GAS6: variants seen among roughly 807,000 people sequenced by gnomAD.
GAS6 encodes growth arrest specific 6, also known as growth arrest-specific protein 6.
GAS6 carries 41 observed loss-of-function variants against 75.8 expected under a neutral mutation model. The ratio of observed to expected loss-of-function variants is 0.54; its 90% CI spans 0.42 to 0.70. The LOEUF is 0.70. GAS6 is among the 30% of genes least tolerant of loss of function. The probability of loss-of-function intolerance (pLI) is 0.00; values close to 1 mark genes in which losing one functional copy is unlikely to be tolerated. For missense variants in GAS6, 854 were observed against 940.2 expected (o/e 0.91, Z 1.20); for synonymous variants, 432 against 412.6 (o/e 1.05, Z -0.57).
At position 113,828,550 on chromosome 13, in the gene GAS6, C is replaced by G; in HGVS notation, c.1305G>C (p.Gln435His). The change falls in exon 11 of 15, where the codon CAG becomes CAC. Residue 435 changes from glutamine to histidine, a missense_variant. By Grantham distance (24) the Gln-to-His change is conservative. Coordinates refer to ENST00000327773, the MANE Select transcript of GAS6 (RefSeq NM_000820.4). ...GIPFHEKDLV[Q>H]PINPRLDGCM... ...CAGGGACAGGTACAGTACTCACAGG[C>G]TGCACGAGGTCCTTCTCATGGAAGG... is the stretch of plus-strand genomic sequence containing the variant. 6.2e-7 allele frequency: 1 copy of G among 1,613,000 alleles called. No homozygotes were observed. The highest frequency in any genetic ancestry group is 8.5e-7 in the Non-Finnish European group (1 of 1,179,710).
In GAS6 at chr13:113,863,022, A is replaced by C. The variant is rs987585967; in HGVS notation, c.255+553T>G. Among the ~76,000 whole-genome samples the C allele has an allele frequency of 3.9e-5, 6 of 152,108 alleles. No individual in the cohort carries two copies. Among genetic ancestry groups the C allele is most frequent in the Admixed American group, 3.9e-4 (6 of 15,286 alleles). On this transcript the variant is annotated intron_variant, in intron 2 of 14. Coordinates refer to ENST00000327773, the MANE Select transcript of GAS6 (RefSeq NM_000820.4). This position sits in a 1 kb window ranked among gnomAD's most constrained non-coding sequence, Gnocchi z 9.4. Reference sequence around the variant, plus strand: ...CGGGGCCAGCACCGTCGGGCTCCTGAAAGCACCCGCTGCCTCCAGGAGAGC... The same window carrying C: ...CGGGGCCAGCACCGTCGGGCTCCTGCAAGCACCCGCTGCCTCCAGGAGAGC...
At chr13:113,855,528 G>C (rs2051907555) in intron 2 of GAS6, among the ~76,000 whole-genome samples, 1 of 152,192 alleles carries the variant, frequency 6.6e-6, no homozygotes, top group Admixed American at 6.5e-5. Flanking sequence ...TGGGACGCTG[G>C]ACAGCTCAGT....
In GAS6 at chr13:113,864,011, C is replaced by T. The variant is rs2051996099; in HGVS notation, c.-91G>A. 2.0e-6 allele frequency: 2 copies of T among 1,018,262 alleles called. No homozygotes were observed. Among genetic ancestry groups the T allele is most frequent in the Non-Finnish European group, 2.3e-6 (2 of 854,456 alleles). The allele number at this position is 1,018,262 out of a possible 1,614,324, so 63.1% of individuals were successfully genotyped here. On this transcript the variant is annotated 5_prime_UTR_variant, in exon 1 of 15. Transcript: ENST00000327773. Reference sequence around the variant, plus strand: ...GGAGGCTCCGGTCATCCCGTCCTGGCGGCCCTGAAGGTCACATCGCGGCGG... The same window carrying T: ...GGAGGCTCCGGTCATCCCGTCCTGGTGGCCCTGAAGGTCACATCGCGGCGG...
chr13:113,826,682 C>T lies in GAS6; in HGVS notation c.1477+314G>A, dbSNP rs1424524249. On this transcript the variant is annotated intron_variant, in intron 12 of 14. Transcript: ENST00000327773. ...CGGCCTCGCAGGCACCTTCTCTCCC[C>T]CGCCTCCTGGCGCCGGCCTCGCAGG... Among the ~76,000 whole-genome samples, 2 of 133,044 alleles carry T rather than the reference C, an allele frequency of 1.5e-5. 1 individual carries two copies. Among genetic ancestry groups the T allele is most frequent in the African/African-American group, 5.9e-5 (2 of 34,036 alleles). The allele number at this position is 133,044 out of a possible 152,430, so 87.3% of individuals were successfully genotyped here. A position where few individuals can be genotyped will look rare whatever the true frequency, so the allele number is the denominator to read the frequency against.
Position 113,832,624 on chromosome 13 carries a change from A to G in GAS6, c.953+10T>C. The G allele has an allele frequency of 6.2e-7, 1 of 1,612,364 alleles. No homozygotes were observed. Among genetic ancestry groups the G allele is most frequent in the Non-Finnish European group, 8.5e-7 (1 of 1,179,858 alleles). ...CTAAGTTGTGTTGCCTCCTGTGGAC[A>G]CCTCCTCACCTGGTGGGCTGCAGCC... On this transcript the variant is annotated intron_variant, in intron 9 of 14. Coordinates refer to ENST00000327773, the MANE Select transcript of GAS6 (RefSeq NM_000820.4).
chr13:113,822,583 G>A (rs550285960), intron 13 of GAS6: 7 of 184,176 alleles, frequency 3.8e-5, no homozygotes, highest in South Asian at 1.8e-4. Context: ...GGGCACTCAC[G>A]CTGGCACCAC....
At chr13:113,821,547 G>C in intron 14 of GAS6, 1 of 236,138 alleles carries the variant, frequency 4.2e-6, no homozygotes, top group Non-Finnish European at 8.3e-6. Flanking sequence ...ACGGCAGGAC[G>C]CCCTGCTGGA....
rs1383983067 is a variant in GAS6 at position 113,820,569 on chromosome 13, A to ATTTT, written c.*291_*294dup. 2.5e-6 allele frequency: 1 copy of ATTTT among 396,346 alleles called. No individual in the cohort carries two copies. The highest frequency in any genetic ancestry group is 3.7e-5 in the East Asian group (1 of 26,988). 24.6% of individuals were successfully genotyped at this position (396,346 alleles called of 1,614,324 possible). ...CGGTGTTACAAAGCTTTCTGTAAATATTTTATTTTCCATATTTTAGAGTCA... is the reference window on the plus strand; with the variant it reads ...CGGTGTTACAAAGCTTTCTGTAAATATTTTTTTTATTTTCCATATTTTAGAGTCA... On this transcript the variant is annotated 3_prime_UTR_variant, in exon 15 of 15. Transcript: ENST00000327773.
intron 2 of GAS6, among the ~76,000 whole-genome samples, chr13:113,856,607 C>T (rs2051916949): frequency 6.6e-6 from 1 of 152,228 alleles, no homozygotes; most frequent in Admixed American, 6.5e-5. Context: ...ACAGTTTCAT[C>T]ATCTGCTGCT....
chr13:113,832,097 C>T (rs1206992144), intron 10 of GAS6, among the ~76,000 whole-genome samples: 3 of 142,812 alleles, frequency 2.1e-5, no homozygotes, highest in Admixed American at 6.9e-5. Flanking sequence ...GGTCCCCGTC[C>T]CCCGGAGCAT....
Position 113,820,872 on chromosome 13 carries a change from C to T in GAS6, c.2029G>A (p.Ala677Thr), listed in dbSNP as rs779822614. The change falls in exon 15 of 15, where the codon GCA (alanine) becomes ACA (threonine). Residue 677 changes from alanine to threonine, a missense_variant. Coordinates refer to ENST00000327773, the MANE Select transcript of GAS6 (RefSeq NM_000820.4). ...AHSCPPVEPA[A>T]A ...CCGCGTCCCGTGGGGGCCTAGGCTG[C>T]GGCGGGCTCCACGGGGGGGCAGGAG... 1.9e-5 allele frequency: 30 copies of T among 1,609,820 alleles called. No homozygotes were observed. The highest frequency in any genetic ancestry group is 1.9e-4 in the Middle Eastern group (1 of 5,266).
chr13:113,847,700 A>C (rs2051844994), intron 3 of GAS6: 1 of 369,200 alleles, frequency 2.7e-6, no homozygotes, highest in African/African-American at 2.2e-5. Context: ...TGACTTCAGA[A>C]GTGATTAGTG....
rs2051991912 is a variant in GAS6, at chr13:113,863,670, C to G, written c.160G>C (p.Glu54Gln). Residue 54 changes from glutamate (E) to glutamine (Q), a missense_variant, in exon 2 of 15, where the codon GAG (glutamate) becomes CAG (glutamine). Physicochemically the swap from Glu to Gln is conservative, Grantham distance 29 (BLOSUM62 2). Coordinates refer to ENST00000327773, the MANE Select transcript of GAS6 (RefSeq NM_000820.4). The surrounding 1 kb of genome is among the most constrained non-coding windows in gnomAD (Gnocchi z 9.4). ...PRQRRAFQVF[E>Q]EAKQGHLERE... ...TCCAGGTGGCCCTGCTTGGCCTCCTCGAAGACCTGAAAGGCGCGGCGCTGC... is the reference window on the plus strand; with the variant it reads ...TCCAGGTGGCCCTGCTTGGCCTCCTGGAAGACCTGAAAGGCGCGGCGCTGC... 4 of 1,521,550 alleles carry G rather than the reference C, an allele frequency of 2.6e-6. No homozygotes were observed. In the Admixed American group the frequency reaches 8.2e-5, roughly 31 times the overall value. 94.3% of individuals were successfully genotyped at this position (1,521,550 alleles called of 1,614,324 possible).
Position 113,834,588 on chromosome 13 carries a change from C to T in GAS6, c.797G>A (p.Gly266Glu), listed in dbSNP as rs1412044561. The change falls in exon 8 of 15, where the codon GGG becomes GAG. Residue 266 changes from glycine (G) to glutamate (E), a missense_variant. Transcript: ENST00000327773. Reference protein sequence around the residue: ...GSYTCHCDGRGGLKLSQDMDT... With the variant: ...GSYTCHCDGREGLKLSQDMDT... ...CATGTCCTGGGACAGCTTGAGGCCC[C>T]CACGCCCGTCACAGTGGCAGGTGTA... The T allele has an allele frequency of 3.7e-6, 6 of 1,606,626 alleles. No individual in the cohort carries two copies. The highest frequency in any genetic ancestry group is 3.3e-5 in the South Asian group (3 of 90,222).
chr13:113,836,479 G>A (rs1465000151), intron 6 of GAS6, among the ~76,000 whole-genome samples: 1 of 2,364 alleles, frequency 4.2e-4, no homozygotes, highest in Non-Finnish European at 9.4e-4. Flanking sequence ...AGGACGGAGG[G>A]GGAGGACGAC....
rs577411947 is a variant in GAS6 at position 113,839,938 on chromosome 13, C to A, written c.344-88G>T. On this transcript the variant is annotated intron_variant, in intron 4 of 14. Coordinates refer to ENST00000327773, the MANE Select transcript of GAS6 (RefSeq NM_000820.4). The stretch of plus-strand genomic sequence containing the variant: ...GCTGAGATCGGGGCGGCTGTGGGGT[C>A]TCGGGTCCAGCCCGGAGGAGCTCTG... The A allele has an allele frequency of 1.5e-3, 2,340 of 1,596,470 alleles. 3 individuals carry two copies. The highest frequency in any genetic ancestry group is 1.4e-3 in the Non-Finnish European group (1,668 of 1,170,056).
At chr13:113,853,368 G>T (rs954506342) in intron 2 of GAS6, among the ~76,000 whole-genome samples, 2 of 152,224 alleles carry the variant, frequency 1.3e-5, no homozygotes, top group African/African-American at 4.8e-5. Flanking sequence ...CTCATCCTTG[G>T]GCCACAGTCC....
At position 113,821,260 on chromosome 13, in the gene GAS6, AC is replaced by A. The variant is rs1222569772; in HGVS notation, c.1883-243del. 8 of 571,058 alleles carry A rather than the reference AC, an allele frequency of 1.4e-5. No homozygotes were observed. The East Asian group carries it at 2.3e-4, about 16-fold the overall frequency. The allele number at this position is 571,058 out of a possible 1,614,324, so 35.4% of individuals were successfully genotyped here. On this transcript the variant is annotated intron_variant, in intron 14 of 14. Transcript: ENST00000327773. Reference sequence around the variant, plus strand: ...CCTCCCTTCCCCGCTGGGAGCACAGACAGTCCCATCGGTTAAACGTGATCTT... The same window carrying A: ...CCTCCCTTCCCCGCTGGGAGCACAGAAGTCCCATCGGTTAAACGTGATCTT...
At chr13:113,838,306 G>T in intron 5 of GAS6, 115 bp from the exon 6 acceptor site, 1 of 1,291,910 alleles carries the variant, frequency 7.7e-7, no homozygotes. Context: ...GAGCCCAGAG[G>T]TGCACAGCCC....
Sources: allele counts gnomAD v4.1 joint callset (sites outside exome capture counted in the v4.1 genomes callset), GRCh38; gene constraint gnomAD v4.1.1; non-coding constraint Gnocchi (gnomAD v3.1); transcripts MANE v1.5; gene names NCBI Gene and HGNC (gene_info 2026-07-23, HGNC 2026-07-21).